The following C14orf39 variants were observed in gnomAD, a reference collection of about 807,000 sequenced individuals.
C14orf39 encodes the protein protein SIX6OS1.
In C14orf39, 66 loss-of-function variants were observed where a neutral mutation model predicts 85.6. The observed-to-expected ratio is 0.77, with a 90% CI of 0.63 to 0.95. The LOEUF (loss-of-function observed/expected upper bound fraction) is 0.95. C14orf39 is among the 40% of genes least tolerant of loss of function. The pLI, the probability that C14orf39 is intolerant of heterozygous loss-of-function variation, is 0.00. For missense variants in C14orf39, 735 were observed against 663.9 expected, an observed-to-expected ratio of 1.11 and a Z score of -1.18; for synonymous variants, 242 against 214.0, an observed-to-expected ratio of 1.13 and a Z score of -1.14.
intron 1 of C14orf39, chr14:60,509,432 C>G: frequency 6.3e-7 from 1 of 1,599,692 alleles, no homozygotes. Context: ...TTTCAGCCCC[C>G]AGCAAGTGGC....
chr14:60,466,966 C>A lies in C14orf39; in HGVS notation c.846G>T (p.Gln282His). The change falls in exon 10 of 18, where the codon CAG (glutamine) becomes CAT (histidine). Residue 282 changes from glutamine (Q) to histidine (H), a missense_variant. Coordinates refer to ENST00000321731, the MANE Select transcript of C14orf39 (RefSeq NM_174978.3). ...GCATCTTTATTGGTCTTACTAATTTCTGAGATTCATAAGGAAGAAATAATT... is the reference window on the plus strand; with the variant it reads ...GCATCTTTATTGGTCTTACTAATTTATGAGATTCATAAGGAAGAAATAATT... ...SSQLFLPYES[Q>H]KLVRPIKMHS... The A allele has an allele frequency of 6.8e-7, 1 of 1,465,008 alleles. No individual in the cohort carries two copies. 90.8% of individuals were successfully genotyped at this position (1,465,008 alleles called of 1,614,324 possible). A position where few individuals can be genotyped will look rare whatever the true frequency, so the allele number is the denominator to read the frequency against.
chr14:60,450,687 T>G (rs527479661), intron 16 of C14orf39, among the ~76,000 whole-genome samples: 7 of 152,144 alleles, frequency 4.6e-5, no homozygotes, highest in African/African-American at 1.7e-4. Flanking sequence ...AGCCAGGTAG[T>G]GGTTACAGAA....
At chr14:60,463,695 A>C (rs1384235759) in intron 11 of C14orf39, among the ~76,000 whole-genome samples, 1 of 152,120 alleles carries the variant, frequency 6.6e-6, no homozygotes, top group Non-Finnish European at 1.5e-5. Flanking sequence ...GGAGAGGGCT[A>C]TCTTTGTGTT....
At chr14:60,469,180 A>G (rs115159614) in intron 8 of C14orf39, among the ~76,000 whole-genome samples, 134 of 151,098 alleles carry the variant, frequency 8.9e-4, no homozygotes, top group Middle Eastern at 3.5e-3. Context: ...ACTGGCGTAG[A>G]TCTTTTAATG....
At chr14:60,496,358 T>C in intron 2 of C14orf39, 1 of 346,880 alleles carries the variant, frequency 2.9e-6, no homozygotes, top group Non-Finnish European at 5.7e-6. Flanking sequence ...CACATTTGTG[T>C]TGGCCACTTT....
intron 16 of C14orf39, among the ~76,000 whole-genome samples, chr14:60,444,315 G>A (rs141919152): frequency 5.3e-5 from 8 of 152,264 alleles, no homozygotes; most frequent in Admixed American, 2.0e-4. Context: ...AAGGTTAGAC[G>A]AATGGCTAAC....
At chr14:60,441,547 T>C (rs1890512238) in intron 17 of C14orf39, among the ~76,000 whole-genome samples, 2 of 152,216 alleles carry the variant, frequency 1.3e-5, no homozygotes, top group Admixed American at 1.3e-4. Context: ...ATACATTGAT[T>C]TATTTGACTA....
chr14:60,470,079 CCAA>C (rs1423827259), intron 7 of C14orf39, among the ~76,000 whole-genome samples: 3 of 151,558 alleles, frequency 2.0e-5, no homozygotes, highest in Non-Finnish European at 4.4e-5. Context: ...CCATTTCAAG[CCAA>C]CAACAGTATG....
intron 17 of C14orf39, 64 bp from the exon 18 acceptor site, chr14:60,437,111 G>A: frequency 9.6e-7 from 1 of 1,044,166 alleles, no homozygotes; most frequent in Non-Finnish European, 1.4e-6. Flanking sequence ...ATAACCTACT[G>A]AATTATAGCA....
intron 1 of C14orf39, among the ~76,000 whole-genome samples, chr14:60,514,962 G>C (rs113669657): frequency 0.03 from 4,587 of 152,226 alleles, 239 homozygotes; most frequent in African/African-American, 0.1. Flanking sequence ...CCGGGCGCTC[G>C]GCGGGACAAT....
At chr14:60,478,466 T>C in intron 4 of C14orf39, 77 bp from the exon 5 acceptor site, 1 of 711,140 alleles carries the variant, frequency 1.4e-6, no homozygotes, top group Non-Finnish European at 2.2e-6. Flanking sequence ...AAAAAGAACA[T>C]AATTATTTAA....
chr14:60,455,548 G>T (rs1014544164), intron 15 of C14orf39, among the ~76,000 whole-genome samples: 6 of 152,070 alleles, frequency 3.9e-5, no homozygotes, highest in Non-Finnish European at 8.8e-5. Flanking sequence ...GATTTTGAAT[G>T]CCAGTTACAA....
intron 4 of C14orf39, among the ~76,000 whole-genome samples, chr14:60,482,879 G>GGTGTGTGTGTGTGT (rs60206941): frequency 0.025 from 3,668 of 146,694 alleles, 80 homozygotes; most frequent in Non-Finnish European, 0.039. Context: ...TATATAGACA[G>GGTGTGTGTGTGTGT]GTGTGTGTGT....
chr14:60,466,937 G>C lies in C14orf39; in HGVS notation c.875C>G (p.Ser292Cys). The change falls in exon 10 of 18, where the codon TCT becomes TGT. Residue 292 changes from serine (S) to cysteine (C), a missense_variant. Transcript: ENST00000321731. ...TATACCTGCAACTCTTGGTTCTGAA[G>C]AATGCATCTTTATTGGTCTTACTAA... ...QKLVRPIKMHSSEPRVADIKE... is the reference protein window; with the variant it reads ...QKLVRPIKMHCSEPRVADIKE... 6.7e-7 allele frequency: 1 copy of C among 1,484,310 alleles called. No homozygotes were observed. The highest frequency in any genetic ancestry group is 8.9e-7 in the Non-Finnish European group (1 of 1,122,132). 91.9% of individuals were successfully genotyped at this position (1,484,310 alleles called of 1,614,324 possible).
chr14:60,499,675 AT>A (rs1351024306), intron 1 of C14orf39, among the ~76,000 whole-genome samples: 1 of 152,258 alleles, frequency 6.6e-6, no homozygotes, highest in African/African-American at 2.4e-5. Context: ...GATTTGATAG[AT>A]TCAACTATGT....
At chr14:60,468,728 C>T (rs1402677902) in intron 8 of C14orf39, among the ~76,000 whole-genome samples, 192 bp from the exon 9 acceptor site, 4 of 151,592 alleles carry the variant, frequency 2.6e-5, no homozygotes, top group African/African-American at 9.7e-5. Flanking sequence ...CTTTTCCTTA[C>T]AATTCCATTG....
intron 1 of C14orf39, chr14:60,510,935 G>GCCGAGTAATTAC (rs1194512636): frequency 7.6e-5 from 61 of 803,504 alleles, no homozygotes; most frequent in Non-Finnish European, 8.9e-5. Context: ...CCCGACCTCT[G>GCCGAGTAATTAC]TCGCCTTGCC....
chr14:60,481,934 A>T (rs1892657796), intron 4 of C14orf39, among the ~76,000 whole-genome samples: 2 of 152,196 alleles, frequency 1.3e-5, no homozygotes, highest in East Asian at 3.9e-4. Flanking sequence ...ATTTGTGTGC[A>T]GTCATATTTA....
chr14:60,449,350 T>C (rs1468207776), intron 16 of C14orf39, among the ~76,000 whole-genome samples: 1 of 152,228 alleles, frequency 6.6e-6, no homozygotes, highest in Non-Finnish European at 1.5e-5. Flanking sequence ...TATAATTTAA[T>C]GCATCTGTAA....
Sources: gnomAD v4.1 joint callset for allele counts (sites outside exome capture counted in the v4.1 genomes callset) on GRCh38, gnomAD v4.1.1 for gene constraint, MANE v1.5 for transcripts, NCBI Gene and HGNC (gene_info 2026-07-23, HGNC 2026-07-21) for gene names.